The following AGAP1 variants were observed in gnomAD, a reference collection of about 807,000 sequenced individuals.
AGAP1 encodes ArfGAP with GTPase domain, ankyrin repeat and PH domain 1.
Under a neutral mutation model 105.3 loss-of-function variants are expected in AGAP1, and 29 were observed. The ratio of observed to expected loss-of-function variants is 0.28; its 90% confidence interval spans 0.21 to 0.38. The LOEUF (loss-of-function observed/expected upper bound fraction) is 0.38. AGAP1 is among the 10% of genes least tolerant of loss of function. The probability of loss-of-function intolerance (pLI) is 1.00; values close to 1 mark genes in which losing one functional copy is unlikely to be tolerated. For missense variants in AGAP1, 998 were observed against 1,165.1 expected (o/e 0.86, Z 2.09); for synonymous variants, 509 against 485.9 (o/e 1.05, Z -0.63).
Position 236,120,774 on chromosome 2 carries a change from C to G in AGAP1, c.2370+327C>G, listed in dbSNP as rs865919720. ...TAACGGGATGGCTTGTAGGGTTTCC[C>G]CATTTCCAAACCTTTGGTGTTTTTA... is the stretch of plus-strand genomic sequence containing the variant. On this transcript the variant is annotated intron_variant, in intron 17 of 17. Coordinates refer to ENST00000304032, the MANE Select transcript of AGAP1 (RefSeq NM_001037131.3). The surrounding 1 kb of genome is among the most constrained non-coding windows in gnomAD (Gnocchi z 6.0). Among the ~76,000 whole-genome samples, 2 of 152,268 alleles carry G rather than the reference C, an allele frequency of 1.3e-5. No homozygotes were observed. Among genetic ancestry groups the G allele is most frequent in the South Asian group, 2.1e-4 (1 of 4,818 alleles).
At position 236,005,301 on chromosome 2, in the gene AGAP1, G is replaced by A. The variant is rs973785555; in HGVS notation, c.1646-31260G>A. 8.6e-5 allele frequency among the ~76,000 whole-genome samples: 13 copies of A among 151,834 alleles called. No homozygotes were observed. The highest frequency in any genetic ancestry group is 1.2e-4 in the African/African-American group (5 of 41,322). ...GCTGGGACTACAGGAGTGTGCCACC[G>A]GCTAATTTTTTTTATTTTTGGTAGA... On this transcript the variant is annotated intron_variant, in intron 13 of 17. Coordinates refer to ENST00000304032, the MANE Select transcript of AGAP1 (RefSeq NM_001037131.3). The surrounding 1 kb of genome is among the most constrained non-coding windows in gnomAD (Gnocchi z 4.1).
At position 235,845,606 on chromosome 2, in the gene AGAP1, C is replaced by A. The variant is rs1478487826; in HGVS notation, c.1051-37739C>A. Among the ~76,000 whole-genome samples, 1 of 151,534 alleles carries A rather than the reference C, an allele frequency of 6.6e-6. No individual in the cohort carries two copies. Reference sequence around the variant, plus strand: ...CTTCCAGTTATTCCTTTCCTGACCCCCCCCCCGATCTGCTTTTTAATTTCT... The same window carrying A: ...CTTCCAGTTATTCCTTTCCTGACCCACCCCCCGATCTGCTTTTTAATTTCT... On this transcript the variant is annotated intron_variant, in intron 9 of 17. Coordinates refer to ENST00000304032, the MANE Select transcript of AGAP1 (RefSeq NM_001037131.3). This position sits in a 1 kb window ranked among gnomAD's most constrained non-coding sequence, Gnocchi z 4.8.
intron 1 of AGAP1, among the ~76,000 whole-genome samples, chr2:235,581,303 G>A (rs374549387): frequency 4.0e-5 from 6 of 149,388 alleles, no homozygotes; most frequent in South Asian, 2.1e-4. Flanking sequence ...GCGAAACTCC[G>A]TCTCAAAAAA....
At chr2:236,029,803 G>A (rs56400977) in intron 13 of AGAP1, among the ~76,000 whole-genome samples, 35,489 of 151,230 alleles carry the variant, frequency 0.23, 4,883 homozygotes, top group African/African-American at 0.38. Context: ...CATTGGTGTG[G>A]TCACAGCTCA....
chr2:235,676,731 C>T (rs1379807061), intron 1 of AGAP1, among the ~76,000 whole-genome samples: 1 of 152,122 alleles, frequency 6.6e-6, no homozygotes. Flanking sequence ...TAGGAATTCT[C>T]CTTTAGGCTA....
At position 235,864,904 on chromosome 2, in the gene AGAP1, T is replaced by TG. The variant is rs988215408; in HGVS notation, c.1051-18440dup. ...TTTGGTTCTGGTTGGGACTTAATAATGCTAGCCAGACCTAATGTGAACCAT... is the reference window on the plus strand; with the variant it reads ...TTTGGTTCTGGTTGGGACTTAATAATGGCTAGCCAGACCTAATGTGAACCAT... On this transcript the variant is annotated intron_variant, in intron 9 of 17. Coordinates refer to ENST00000304032, the MANE Select transcript of AGAP1 (RefSeq NM_001037131.3). The surrounding 1 kb of genome is among the most constrained non-coding windows in gnomAD (Gnocchi z 5.0). Among the ~76,000 whole-genome samples the TG allele has an allele frequency of 6.6e-5, 10 of 152,202 alleles. No homozygotes were observed. Among genetic ancestry groups the TG allele is most frequent in the African/African-American group, 1.9e-4 (8 of 41,454 alleles).
intron 9 of AGAP1, among the ~76,000 whole-genome samples, chr2:235,813,771 C>T (rs1317936642): frequency 6.6e-6 from 1 of 152,224 alleles, no homozygotes; most frequent in Non-Finnish European, 1.5e-5. Flanking sequence ...TTCTGTATCC[C>T]AGGGTTCTTG....
intron 16 of AGAP1, chr2:236,072,535 C>T (rs1406587301): frequency 6.6e-6 from 1 of 152,254 alleles, no homozygotes; most frequent in Non-Finnish European, 1.5e-5. Flanking sequence ...AACTCCTGGG[C>T]TCAAGGGCTC....
intron 6 of AGAP1, among the ~76,000 whole-genome samples, chr2:235,759,199 C>T (rs763198355): frequency 1.3e-4 from 18 of 136,864 alleles, no homozygotes; most frequent in Admixed American, 1.3e-3. Flanking sequence ...GATGGAGTCT[C>T]GCTCTGTCAC....
chr2:235,775,620 A>G (rs995104115), intron 6 of AGAP1: 1 of 151,810 alleles, frequency 6.6e-6, no homozygotes, highest in Non-Finnish European at 1.5e-5. Context: ...CCTTCCTCCC[A>G]CCCCGCCCCG....
chr2:235,643,431 CAAAAAAAAAAAAAAAAAA>C (rs56146940), intron 1 of AGAP1, among the ~76,000 whole-genome samples: 15 of 61,404 alleles, frequency 2.4e-4, no homozygotes, highest in Admixed American at 5.1e-4. Context: ...GACTGGGTCT[CAAAAAAAAAAAAAAAAAA>C]AAAAAAAAAA....
rs2055411160 is a variant in AGAP1, at chr2:235,988,345, A to C, written c.1645+19722A>C. 1.3e-5 allele frequency among the ~76,000 whole-genome samples: 2 copies of C among 152,096 alleles called. No individual in the cohort carries two copies. Among genetic ancestry groups the C allele is most frequent in the South Asian group, 4.1e-4 (2 of 4,820 alleles). On this transcript the variant is annotated intron_variant, in intron 13 of 17. Coordinates refer to ENST00000304032, the MANE Select transcript of AGAP1 (RefSeq NM_001037131.3). The surrounding 1 kb of genome is among the most constrained non-coding windows in gnomAD (Gnocchi z 4.7). ...GGCGTGAGCCACCGTGCCTGGCCTAAAACTCCTTTTGATTGGTGCGTGGGT... is the reference window on the plus strand; with the variant it reads ...GGCGTGAGCCACCGTGCCTGGCCTACAACTCCTTTTGATTGGTGCGTGGGT...
chr2:235,627,135 T>C (rs1248225158), intron 1 of AGAP1, among the ~76,000 whole-genome samples: 1 of 151,214 alleles, frequency 6.6e-6, no homozygotes, highest in African/African-American at 2.4e-5. Context: ...GTCTATCTTA[T>C]AAAGGGGAGT....
chr2:235,686,556 T>C (rs111254263), intron 1 of AGAP1, among the ~76,000 whole-genome samples: 7,444 of 101,668 alleles, frequency 0.073, 755 homozygotes, highest in African/African-American at 0.24. Context: ...GATATATATA[T>C]ACACACACAC....
In AGAP1 at chr2:235,901,881, A is replaced by G. The variant is rs1322178544; in HGVS notation, c.1156-6857A>G. Among the ~76,000 whole-genome samples, 2 of 6,956 alleles carry G rather than the reference A, an allele frequency of 2.9e-4. No individual in the cohort carries two copies. Among genetic ancestry groups the G allele is most frequent in the Non-Finnish European group, 5.8e-4 (2 of 3,474 alleles). 4.6% of individuals were successfully genotyped at this position (6,956 alleles called of 152,430 possible). On this transcript the variant is annotated intron_variant, in intron 10 of 17. Coordinates refer to ENST00000304032, the MANE Select transcript of AGAP1 (RefSeq NM_001037131.3). This position sits in a 1 kb window ranked among gnomAD's most constrained non-coding sequence, Gnocchi z 4.3. ...GCGACAGAGTGAGACTCCGTCTCGG[A>G]AAAAAAAAAAAAAATTATGGAGGGA... is the stretch of plus-strand genomic sequence containing the variant.
intron 13 of AGAP1, among the ~76,000 whole-genome samples, chr2:236,007,618 AT>A: frequency 6.6e-6 from 1 of 152,326 alleles, no homozygotes; most frequent in South Asian, 2.1e-4. Flanking sequence ...TTTTTTTGGA[AT>A]TTTTGAAAAA....
rs191806623 is a variant in AGAP1, at chr2:235,703,736, A to T, written c.164-5443A>T. On this transcript the variant is annotated intron_variant, in intron 1 of 17. Transcript: ENST00000304032. ...CCTTAGCCTCCAAGTACCTGGGATTACAGGCACCTGCCACCATGCCCGGCT... is the reference window on the plus strand; with the variant it reads ...CCTTAGCCTCCAAGTACCTGGGATTTCAGGCACCTGCCACCATGCCCGGCT... Among the ~76,000 whole-genome samples, 466 of 152,220 alleles carry T rather than the reference A, an allele frequency of 3.1e-3. 2 individuals carry two copies. The highest frequency in any genetic ancestry group is 0.024 in the Middle Eastern group (7 of 294).
At position 235,650,144 on chromosome 2, in the gene AGAP1, C is replaced by G. The variant is rs140068405; in HGVS notation, c.164-59035C>G. 3.1e-3 allele frequency among the ~76,000 whole-genome samples: 476 copies of G among 152,180 alleles called. 1 individual carries two copies. Among genetic ancestry groups the G allele is most frequent in the Middle Eastern group, 6.8e-3 (2 of 294 alleles). ...TGGGAGGCCAAGGTGGGTGGATCACCGGAGGTCAGGAGTTCGAGACCAGCC... is the reference window on the plus strand; with the variant it reads ...TGGGAGGCCAAGGTGGGTGGATCACGGGAGGTCAGGAGTTCGAGACCAGCC... On this transcript the variant is annotated intron_variant, in intron 1 of 17. Coordinates refer to ENST00000304032, the MANE Select transcript of AGAP1 (RefSeq NM_001037131.3).
chr2:235,856,397 A>T (rs2048687280), intron 9 of AGAP1, among the ~76,000 whole-genome samples: 1 of 152,238 alleles, frequency 6.6e-6, no homozygotes, highest in African/African-American at 2.4e-5. Context: ...TGTCACCCCA[A>T]ACAGCACCAT....
Sources: allele counts gnomAD v4.1 joint callset (sites outside exome capture counted in the v4.1 genomes callset), GRCh38; gene constraint gnomAD v4.1.1; non-coding constraint Gnocchi (gnomAD v3.1); transcripts MANE v1.5; gene names NCBI Gene and HGNC (gene_info 2026-07-23, HGNC 2026-07-21).